Variants in ARPIN observed in about 807,000 individuals in gnomAD.
ARPIN encodes actin related protein 2/3 complex inhibitor.
A neutral mutation model predicts 25.9 loss-of-function variants in ARPIN; 23 were observed. The ratio of observed to expected loss-of-function variants is 0.89; its 90% CI spans 0.64 to 1.26. The LOEUF is 1.26. Among genes scored for constraint, ARPIN ranks in the 50% most tolerant of loss-of-function variants. ARPIN has a pLI of 0.00. For missense variants in ARPIN, 333 were observed against 312.2 expected, an observed-to-expected ratio of 1.07 and a Z score of -0.50; for synonymous variants, 126 against 131.4, an observed-to-expected ratio of 0.96 and a Z score of 0.28.
chr15:89,904,006 G>C (rs774232517), intron 3 of ARPIN, 23 bp from the exon 4 acceptor site: 1 of 1,578,918 alleles, frequency 6.3e-7, no homozygotes, highest in Non-Finnish European at 8.6e-7. Flanking sequence ...AGCGCAGGAG[G>C]GTCATTATCA....
intron 3 of ARPIN, among the ~76,000 whole-genome samples, chr15:89,907,211 G>A (rs1207143344): frequency 2.0e-5 from 3 of 151,696 alleles, no homozygotes; most frequent in Non-Finnish European, 4.4e-5. Context: ...GGTATTACAG[G>A]TGCACGCCAC....
At chr15:89,906,861 A>G (rs1897128653) in intron 3 of ARPIN, among the ~76,000 whole-genome samples, 1 of 151,702 alleles carries the variant, frequency 6.6e-6, no homozygotes, top group Admixed American at 6.6e-5. Flanking sequence ...AGGCTGAGGC[A>G]GGAGAATCGC....
At chr15:89,910,296 G>A (rs1897200209) in intron 2 of ARPIN, among the ~76,000 whole-genome samples, 1 of 152,116 alleles carries the variant, frequency 6.6e-6, no homozygotes, top group African/African-American at 2.4e-5. Context: ...TCCGAAAAAA[G>A]ACACAGGCTA....
At chr15:89,906,680 A>ACTCT (rs1897125885) in intron 3 of ARPIN, among the ~76,000 whole-genome samples, 1 of 152,200 alleles carries the variant, frequency 6.6e-6, no homozygotes, top group Admixed American at 6.5e-5. Flanking sequence ...TCAATGAGTA[A>ACTCT]CTGAAGGTAT....
At chr15:89,907,695 C>A (rs1015353925) in intron 3 of ARPIN, among the ~76,000 whole-genome samples, 5 of 152,180 alleles carry the variant, frequency 3.3e-5, no homozygotes, top group Non-Finnish European at 7.3e-5. Flanking sequence ...CCCAGCTATT[C>A]TGGAGGCTGA....
rs1896961746 is a variant in ARPIN, at chr15:89,898,320, T to A, written c.*3475A>T. On this transcript the variant is annotated 3_prime_UTR_variant, in exon 6 of 6. Transcript: ENST00000357484. ...CAAGAAAAGAGTCCAGGCAAGGCAATGCAAGTGGGGGAGTGACCTGCTCTG... is the reference window on the plus strand; with the variant it reads ...CAAGAAAAGAGTCCAGGCAAGGCAAAGCAAGTGGGGGAGTGACCTGCTCTG... The A allele has an allele frequency of 6.6e-6, 1 of 151,828 alleles. No individual in the cohort carries two copies. The highest frequency in any genetic ancestry group is 2.1e-4 in the South Asian group (1 of 4,794). The allele number at this position is 151,828 out of a possible 1,614,324, so 9.4% of individuals were successfully genotyped here.
chr15:89,903,883 G>A lies in ARPIN; in HGVS notation c.402C>T (p.Pro134=), dbSNP rs748987601. The A allele has an allele frequency of 1.7e-5, 28 of 1,613,812 alleles. No individual in the cohort carries two copies. Among genetic ancestry groups the A allele is most frequent in the East Asian group, 8.9e-5 (4 of 44,902 alleles). ...ELLALTESLT[P]DHTVAFWMPE... ...GCATCCAGAACGCCACTGTGTGGTC[G>A]GGGGTGAGGCTCTCTGTCAGCGCGA... The change falls in exon 4 of 6, where the codon CCC becomes CCT. Residue 134 remains proline (P), a synonymous_variant. Coordinates refer to ENST00000357484, the MANE Select transcript of ARPIN (RefSeq NM_182616.4).
chr15:89,912,663 T>TTGGGGGCCC, intron 1 of ARPIN, 81 bp downstream of exon 1: 16 of 871,016 alleles, frequency 1.8e-5, no homozygotes, highest in East Asian at 1.0e-4. Flanking sequence ...CCCACCCGCA[T>TTGGGGGCCC]CCCACCCCCC....
intron 3 of ARPIN, among the ~76,000 whole-genome samples, chr15:89,907,260 G>A (rs979522885): frequency 6.6e-6 from 1 of 151,824 alleles, no homozygotes; most frequent in South Asian, 2.1e-4. Flanking sequence ...TAGAGCTGGG[G>A]TTTCACCATG....
intron 2 of ARPIN, among the ~76,000 whole-genome samples, chr15:89,908,878 G>A (rs767221130): frequency 1.1e-4 from 16 of 152,138 alleles, no homozygotes; most frequent in Non-Finnish European, 2.1e-4. Flanking sequence ...AGCTATTCAG[G>A]AGGCTAAGGC....
chr15:89,912,949 G>T lies in ARPIN; in HGVS notation c.-114C>A. The T allele has an allele frequency of 7.7e-7, 1 of 1,303,932 alleles. No homozygotes were observed. Among genetic ancestry groups the T allele is most frequent in the Non-Finnish European group, 1.0e-6 (1 of 1,002,050 alleles). 80.8% of individuals were successfully genotyped at this position (1,303,932 alleles called of 1,614,324 possible). ...CGCGATTCCCAGCCGGCGGATCCGG[G>T]AATGGCGCGGCCCGGCCCTCAGGCG... On this transcript the variant is annotated 5_prime_UTR_variant, in exon 1 of 6. Coordinates refer to ENST00000357484, the MANE Select transcript of ARPIN (RefSeq NM_182616.4).
chr15:89,910,929 T>G, intron 1 of ARPIN, 110 bp from the exon 2 acceptor site: 2 of 1,291,460 alleles, frequency 1.5e-6, no homozygotes, highest in Non-Finnish European at 2.2e-6. Flanking sequence ...GAGCAGCTCC[T>G]TTCCCCGTGC....
rs1280192723 is a variant in ARPIN, at chr15:89,900,092, C to T, written c.*1703G>A. ...TAAAGACACTGGGTGACTCTACCCC[C>T]AGTCAGTGTCCCCAGCTATCCTTCT... On this transcript the variant is annotated 3_prime_UTR_variant, in exon 6 of 6. Transcript: ENST00000357484. The T allele has an allele frequency of 1.3e-5, 2 of 152,332 alleles. No individual in the cohort carries two copies. The highest frequency in any genetic ancestry group is 2.9e-5 in the Non-Finnish European group (2 of 68,128). 9.4% of individuals were successfully genotyped at this position (152,332 alleles called of 1,614,324 possible). A position where few individuals can be genotyped will look rare whatever the true frequency, so the allele number is the denominator to read the frequency against.
intron 3 of ARPIN, among the ~76,000 whole-genome samples, chr15:89,906,186 C>T (rs367945367): frequency 1.3e-5 from 2 of 152,176 alleles, no homozygotes; most frequent in East Asian, 3.9e-4. Flanking sequence ...TTTTCACAGG[C>T]ATCGCTGGGC....
In ARPIN at chr15:89,903,973, G is replaced by C. The variant is rs758038205; in HGVS notation, c.312C>G (p.Ala104=). The C allele has an allele frequency of 1.2e-6, 2 of 1,606,128 alleles. No individual in the cohort carries two copies. The highest frequency in any genetic ancestry group is 1.7e-6 in the Non-Finnish European group (2 of 1,178,782). The change falls in exon 4 of 6, where the codon GCC becomes GCG. Residue 104 remains alanine, a synonymous_variant. Transcript: ENST00000357484. ...GCGTGAGCCTGTCAGTGTCCCCCTT[G>C]GCTTCCACCTCTGCAGGCACAGAGC... The part of the protein sequence containing the change: ...GFLMSSYKVE[A]KGDTDRLTPE...
rs1230810393 is a variant in ARPIN at position 89,896,883 on chromosome 15, A to G, written c.*4912T>C. On this transcript the variant is annotated 3_prime_UTR_variant, in exon 6 of 6. Transcript: ENST00000357484. ...AAATGTTTTCATACCCAATTCTCAC[A>G]AGGGCAGCATAAAAATGGTTCTCCC... 1 of 152,236 alleles carries G rather than the reference A, an allele frequency of 6.6e-6. No individual in the cohort carries two copies. The highest frequency in any genetic ancestry group is 2.4e-5 in the African/African-American group (1 of 41,460). 9.4% of individuals were successfully genotyped at this position (152,236 alleles called of 1,614,324 possible).
chr15:89,895,063 G>C lies in ARPIN; in HGVS notation c.*6732C>G, dbSNP rs10459674. 70,919 of 151,364 alleles carry C rather than the reference G, an allele frequency of 0.47. 16,841 individuals carry two copies. Among genetic ancestry groups the C allele is most frequent in the East Asian group, 0.6 (3,117 of 5,162 alleles). The allele number at this position is 151,364 out of a possible 1,614,324, so 9.4% of individuals were successfully genotyped here. A position where few individuals can be genotyped will look rare whatever the true frequency, so the allele number is the denominator to read the frequency against. The stretch of plus-strand genomic sequence containing the variant: ...GTGGATGTGTGAAAAGATTTAGCCT[G>C]AGGAACATACATTTCTGCCAGAGTA... On this transcript the variant is annotated 3_prime_UTR_variant, in exon 6 of 6. Transcript: ENST00000357484.
chr15:89,906,300 T>C (rs1433524311), intron 3 of ARPIN, among the ~76,000 whole-genome samples: 1 of 152,008 alleles, frequency 6.6e-6, no homozygotes, highest in African/African-American at 2.4e-5. Flanking sequence ...TTGGTTAGAG[T>C]TGAGCTCCTC....
In ARPIN at chr15:89,903,882, C is replaced by G. The variant is rs61731919; in HGVS notation, c.403G>C (p.Asp135His). The change falls in exon 4 of 6, where the codon GAC becomes CAC. Residue 135 changes from aspartate (D) to histidine (H), a missense_variant. Coordinates refer to ENST00000357484, the MANE Select transcript of ARPIN (RefSeq NM_182616.4). ...LLALTESLTP[D>H]HTVAFWMPES... The stretch of plus-strand genomic sequence containing the variant: ...GGCATCCAGAACGCCACTGTGTGGT[C>G]GGGGGTGAGGCTCTCTGTCAGCGCG... The G allele has an allele frequency of 6.2e-7, 1 of 1,614,006 alleles. No homozygotes were observed. Among genetic ancestry groups the G allele is most frequent in the Non-Finnish European group, 8.5e-7 (1 of 1,180,022 alleles).
Sources: gnomAD v4.1 joint callset for allele counts (sites outside exome capture counted in the v4.1 genomes callset) on GRCh38, gnomAD v4.1.1 for gene constraint, MANE v1.5 for transcripts, NCBI Gene and HGNC (gene_info 2026-07-23, HGNC 2026-07-21) for gene names.